Variants in CTNNA1 observed in about 807,000 individuals in gnomAD.
The protein encoded by CTNNA1 is catenin alpha-1.
A neutral mutation model predicts 98.4 loss-of-function variants in CTNNA1; 37 were observed. That is an observed-to-expected ratio of 0.38 (90% CI 0.29 to 0.49). The LOEUF (loss-of-function observed/expected upper bound fraction) is 0.49. CTNNA1 is among the 20% of genes least tolerant of loss of function. CTNNA1 has a pLI of 0.95. For missense variants in CTNNA1, 761 were observed against 1,147.2 expected, an observed-to-expected ratio of 0.66 and a Z score of 4.86; for synonymous variants, 404 against 413.2, an observed-to-expected ratio of 0.98 and a Z score of 0.27.
chr5:138,859,159 C>T (rs1222532111), intron 7 of CTNNA1, among the ~76,000 whole-genome samples: 1 of 152,140 alleles, frequency 6.6e-6, no homozygotes, highest in Admixed American at 6.5e-5. Flanking sequence ...TTTGATATGT[C>T]GTTTCCAGTC....
At chr5:138,925,697 A>G (rs769317067) in intron 13 of CTNNA1, among the ~76,000 whole-genome samples, 7 of 152,266 alleles carry the variant, frequency 4.6e-5, no homozygotes, top group Non-Finnish European at 8.8e-5. Flanking sequence ...AGGAAATTAT[A>G]GAAAATAATG....
intron 7 of CTNNA1, among the ~76,000 whole-genome samples, chr5:138,830,835 A>C (rs1350264979): frequency 6.6e-6 from 1 of 152,204 alleles, no homozygotes; most frequent in East Asian, 1.9e-4. Context: ...CATCATAGGT[A>C]CAGCCAAAAT....
At chr5:138,793,792 A>T (rs548297899) in intron 3 of CTNNA1, among the ~76,000 whole-genome samples, 2 of 152,228 alleles carry the variant, frequency 1.3e-5, no homozygotes, top group African/African-American at 4.8e-5. Flanking sequence ...CACTTGAATT[A>T]GTAAGGAAAA....
intron 9 of CTNNA1, among the ~76,000 whole-genome samples, chr5:138,893,749 G>T (rs1259126967): frequency 6.6e-6 from 1 of 150,662 alleles, no homozygotes; most frequent in East Asian, 2.0e-4. Context: ...TCAGCCTCCT[G>T]ATTAGCTGGG....
chr5:138,827,447 C>G lies in CTNNA1; in HGVS notation c.859-68C>G, dbSNP rs566450760. On this transcript the variant is annotated intron_variant, in intron 6 of 17. Transcript: ENST00000302763. ...TTAAATCTTGATATTACTAATAACA[C>G]TTTTCTCACCTTGAATAAAGAAGGG... 1.5e-4 allele frequency: 225 copies of G among 1,550,680 alleles called. No homozygotes were observed. In the African/African-American group the frequency reaches 2.8e-3, roughly 19 times the overall value.
intron 1 of CTNNA1, among the ~76,000 whole-genome samples, chr5:138,775,310 C>T (rs1418614752): frequency 6.6e-6 from 1 of 152,206 alleles, no homozygotes; most frequent in African/African-American, 2.4e-5. Context: ...CAATCTAGAG[C>T]ATTCCATTTC....
At chr5:138,841,252 T>C (rs1353158797) in intron 7 of CTNNA1, among the ~76,000 whole-genome samples, 1 of 152,106 alleles carries the variant, frequency 6.6e-6, no homozygotes, top group Non-Finnish European at 1.5e-5. Flanking sequence ...TATGTATATA[T>C]GTATGTATGT....
chr5:138,915,653 A>G (rs889236841), intron 10 of CTNNA1, among the ~76,000 whole-genome samples: 3 of 152,260 alleles, frequency 2.0e-5, no homozygotes, highest in African/African-American at 7.2e-5. Context: ...AGTGGCAATA[A>G]TTCAAATGTT....
chr5:138,828,777 T>C (rs1760974537), intron 7 of CTNNA1, among the ~76,000 whole-genome samples: 1 of 152,216 alleles, frequency 6.6e-6, no homozygotes, highest in South Asian at 2.1e-4. Flanking sequence ...CCTTCCTCTG[T>C]TTATCTTGTC....
At chr5:138,762,785 A>T (rs1418072238) in intron 1 of CTNNA1, among the ~76,000 whole-genome samples, 1 of 84,488 alleles carries the variant, frequency 1.2e-5, no homozygotes, top group Non-Finnish European at 2.8e-5. Flanking sequence ...GATTTTTAAA[A>T]TGTCTGTCAT....
intron 2 of CTNNA1, 61 bp downstream of exon 2, chr5:138,782,090 A>G (rs1755176077): frequency 1.3e-6 from 2 of 1,501,592 alleles, no homozygotes; most frequent in South Asian, 1.2e-5. Context: ...CCTGGGTAAC[A>G]ACCATAAGAG....
rs139668747 is a variant in CTNNA1 at position 138,798,193 on chromosome 5, CAG to C, written c.302-11843_302-11842del. On this transcript the variant is annotated intron_variant, in intron 3 of 17. Transcript: ENST00000302763. ...GTAGATGGAAAAATAGAAGGGGGCA[CAG>C]AAGTATTTGTTGAGCTTTGCATATA... Among the ~76,000 whole-genome samples the C allele has an allele frequency of 6.6e-4, 101 of 152,268 alleles. No homozygotes were observed. In the East Asian group the frequency reaches 0.019, roughly 28 times the overall value.
chr5:138,908,946 C>T (rs1034287914), intron 10 of CTNNA1, among the ~76,000 whole-genome samples: 1 of 152,082 alleles, frequency 6.6e-6, no homozygotes, highest in Non-Finnish European at 1.5e-5. Context: ...GAATCTGTAC[C>T]CTTTGTATCC....
intron 5 of CTNNA1, among the ~76,000 whole-genome samples, chr5:138,813,529 T>C (rs1454584980): frequency 6.6e-6 from 1 of 152,158 alleles, no homozygotes; most frequent in Non-Finnish European, 1.5e-5. Context: ...AAAGTTGGGT[T>C]GGGAGTAGTG....
At chr5:138,932,528 G>A (rs754699018) in intron 16 of CTNNA1, 50 bp from the exon 17 acceptor site, 1 of 1,604,098 alleles carries the variant, frequency 6.2e-7, no homozygotes. Flanking sequence ...GGGGTCGGGG[G>A]TGCTTGGGCC....
intron 7 of CTNNA1, among the ~76,000 whole-genome samples, chr5:138,861,225 G>A (rs966545824): frequency 6.6e-6 from 1 of 151,856 alleles, no homozygotes; most frequent in East Asian, 1.9e-4. Context: ...TTCACCATGT[G>A]GGCCAGGCTG....
At chr5:138,787,077 T>C (rs1755792977) in intron 3 of CTNNA1, among the ~76,000 whole-genome samples, 1 of 152,150 alleles carries the variant, frequency 6.6e-6, no homozygotes, top group East Asian at 1.9e-4. Flanking sequence ...TTGTTTAGGA[T>C]GGGGGTTGGT....
intron 3 of CTNNA1, among the ~76,000 whole-genome samples, chr5:138,794,555 G>A (rs548334329): frequency 2.6e-5 from 4 of 152,232 alleles, no homozygotes; most frequent in African/African-American, 9.6e-5. Context: ...CATGTCATAG[G>A]GCACGTGGGT....
intron 1 of CTNNA1, among the ~76,000 whole-genome samples, chr5:138,766,382 A>G (rs1752940993): frequency 6.6e-6 from 1 of 151,600 alleles, no homozygotes; most frequent in Admixed American, 6.6e-5. Flanking sequence ...CTGACAGGCT[A>G]GAGTAGGCGA....
Sources: gnomAD v4.1 joint callset for allele counts (sites outside exome capture counted in the v4.1 genomes callset) on GRCh38, gnomAD v4.1.1 for gene constraint, MANE v1.5 for transcripts, NCBI Gene and HGNC (gene_info 2026-07-23, HGNC 2026-07-21) for gene names.